GBP7: variants seen among roughly 807,000 people sequenced by gnomAD.
The protein encoded by GBP7 is guanylate binding protein 7.
Under a neutral mutation model 61.3 loss-of-function variants are expected in GBP7, and 43 were observed. That is an observed-to-expected ratio of 0.70 (90% CI 0.55 to 0.91). GBP7 has a LOEUF of 0.91. Among genes scored for constraint, GBP7 ranks in the 40% least tolerant of loss-of-function variants. The probability of loss-of-function intolerance (pLI) is 0.00; values close to 1 mark genes in which losing one functional copy is unlikely to be tolerated. For missense variants in GBP7, 717 were observed against 740.5 expected (o/e 0.97, Z 0.37); for synonymous variants, 267 against 271.0 (o/e 0.99, Z 0.14).
rs771339090 is a variant in GBP7, at chr1:89,149,390, G to A, written c.1054C>T (p.Leu352=). The change falls in exon 7 of 11, where the codon CTG becomes TTG. Residue 352 remains leucine, a synonymous_variant. Transcript: ENST00000294671. ...TCACAAACTGCATGCACGTCCAGCA[G>A]CTCCTGGAGTGTGTCTGTGGGGAAT... The part of the protein sequence containing the change: ...VRFPTDTLQE[L]LDVHAVCERE... 1 of 1,614,202 alleles carries A rather than the reference G, an allele frequency of 6.2e-7. No individual in the cohort carries two copies.
intron 3 of GBP7, among the ~76,000 whole-genome samples, chr1:89,154,052 A>T (rs1682261044): frequency 6.6e-6 from 1 of 152,250 alleles, no homozygotes; most frequent in South Asian, 2.1e-4. Flanking sequence ...TCAGGGCAAG[A>T]CATGAAGGTC....
intron 2 of GBP7, among the ~76,000 whole-genome samples, chr1:89,167,013 A>G (rs1647462695): frequency 6.6e-6 from 1 of 152,196 alleles, no homozygotes; most frequent in African/African-American, 2.4e-5. Flanking sequence ...CCTATGATTT[A>G]TTATAATGTG....
At chr1:89,141,918 C>G (rs1681963539) in intron 8 of GBP7, among the ~76,000 whole-genome samples, 1 of 152,178 alleles carries the variant, frequency 6.6e-6, no homozygotes, top group Non-Finnish European at 1.5e-5. Flanking sequence ...GTGCAGACAA[C>G]CAGATTTCTA....
intron 2 of GBP7, among the ~76,000 whole-genome samples, chr1:89,167,297 A>G (rs760200418): frequency 5.3e-5 from 8 of 152,290 alleles, no homozygotes; most frequent in Non-Finnish European, 8.8e-5. Context: ...TGTCTAGTTC[A>G]GGATCTTATT....
intron 6 of GBP7, 121 bp from the exon 7 acceptor site, chr1:89,149,693 TCTC>T (rs1231942700): frequency 5.3e-6 from 4 of 757,200 alleles, no homozygotes; most frequent in Non-Finnish European, 6.2e-6. Context: ...TTTCCCTCCT[TCTC>T]CTTCTTTCAA....
rs898891525 is a variant in GBP7 at position 89,132,207 on chromosome 1, T to G, written c.1859A>C (p.Lys620Thr). Reference sequence around the variant, plus strand: ...CCTATTACATAATGAGCTAAGAATTTTCATTCCTAAATCAACTAGCTTAGC... The same window carrying G: ...CCTATTACATAATGAGCTAAGAATTGTCATTCCTAAATCAACTAGCTTAGC... ...GAAKLVDLGMKILSSLCNRLR... is the reference protein window; with the variant it reads ...GAAKLVDLGMTILSSLCNRLR... The change falls in exon 11 of 11, where the codon AAA becomes ACA. Residue 620 changes from lysine (K) to threonine (T), a missense_variant. Physicochemically the swap from Lys to Thr is moderately conservative, Grantham distance 78. This residue lies in a region of GBP7 where 312 missense variants were observed against 310.1 expected (regional missense o/e 1.01). Coordinates refer to ENST00000294671, the MANE Select transcript of GBP7 (RefSeq NM_207398.3). The G allele has an allele frequency of 1.9e-6, 3 of 1,613,154 alleles. No individual in the cohort carries two copies. The highest frequency in any genetic ancestry group is 1.7e-6 in the Non-Finnish European group (2 of 1,179,268).
At chr1:89,155,021 C>T (rs1202750382) in intron 3 of GBP7, among the ~76,000 whole-genome samples, 1 of 152,164 alleles carries the variant, frequency 6.6e-6, no homozygotes, top group Non-Finnish European at 1.5e-5. Flanking sequence ...AAGGATCAGG[C>T]AGCAACATTT....
At chr1:89,132,450 A>T in intron 10 of GBP7, 47 bp from the exon 11 acceptor site, 1 of 1,429,702 alleles carries the variant, frequency 7.0e-7, no homozygotes, top group Non-Finnish European at 9.5e-7. Flanking sequence ...AATTTTTAAG[A>T]GACCGAGGTT....
At chr1:89,139,617 A>G (rs1415664893) in intron 9 of GBP7, among the ~76,000 whole-genome samples, 2 of 152,256 alleles carry the variant, frequency 1.3e-5, no homozygotes, top group Non-Finnish European at 2.9e-5. Flanking sequence ...CAACCCCATC[A>G]AAAAGTGGGT....
chr1:89,140,500 A>G (rs1681914083), intron 9 of GBP7, among the ~76,000 whole-genome samples: 1 of 151,532 alleles, frequency 6.6e-6, no homozygotes, highest in Non-Finnish European at 1.5e-5. Context: ...CACATGAGAT[A>G]TCATCTCATA....
intron 5 of GBP7, among the ~76,000 whole-genome samples, chr1:89,151,161 C>A (rs540905547): frequency 6.6e-6 from 1 of 152,242 alleles, no homozygotes; most frequent in South Asian, 2.1e-4. Context: ...GACTTTCCCA[C>A]CCTATATAAC....
At chr1:89,143,804 A>G (rs949683804) in intron 8 of GBP7, among the ~76,000 whole-genome samples, 5 of 152,202 alleles carry the variant, frequency 3.3e-5, no homozygotes, top group Non-Finnish European at 7.4e-5. Context: ...ATCTTCCCCC[A>G]TGATCCAAAC....
chr1:89,160,512 T>C (rs1647218586), intron 3 of GBP7, among the ~76,000 whole-genome samples: 1 of 152,214 alleles, frequency 6.6e-6, no homozygotes, highest in African/African-American at 2.4e-5. Context: ...GGCAAGTTTC[T>C]TGACCTCTCT....
At chr1:89,162,728 C>A (rs1427021571) in intron 3 of GBP7, among the ~76,000 whole-genome samples, 1 of 152,208 alleles carries the variant, frequency 6.6e-6, no homozygotes, top group African/African-American at 2.4e-5. Context: ...TTGACTTCCT[C>A]TTTTCCTGTT....
chr1:89,141,144 G>T (rs1417652359), intron 9 of GBP7, among the ~76,000 whole-genome samples: 1 of 150,106 alleles, frequency 6.7e-6, no homozygotes, highest in Non-Finnish European at 1.5e-5. Context: ...AAATTCCCAT[G>T]ACACAATTTA....
chr1:89,163,906 G>A (rs1647345448), intron 3 of GBP7, among the ~76,000 whole-genome samples: 1 of 151,164 alleles, frequency 6.6e-6, no homozygotes, highest in Non-Finnish European at 1.5e-5. Context: ...GTCTCACTCT[G>A]TCACTCAGGC....
chr1:89,159,292 T>C (rs1306847761), intron 3 of GBP7, among the ~76,000 whole-genome samples: 1 of 152,126 alleles, frequency 6.6e-6, no homozygotes, highest in Non-Finnish European at 1.5e-5. Flanking sequence ...ATTCAGGACA[T>C]AGGCATGGGC....
intron 2 of GBP7, among the ~76,000 whole-genome samples, chr1:89,165,139 C>T (rs1172996777): frequency 6.6e-6 from 1 of 152,202 alleles, no homozygotes; most frequent in African/African-American, 2.4e-5. Context: ...GTTAGTCCCT[C>T]CAATCCTCCT....
chr1:89,152,833 A>G (rs1682237169), intron 3 of GBP7, 56 bp from the exon 4 acceptor site: 2 of 1,401,718 alleles, frequency 1.4e-6, no homozygotes, highest in Non-Finnish European at 2.0e-6. Context: ...ATACATCTCA[A>G]GGTCAACTAC....
Sources: allele counts gnomAD v4.1 joint callset (sites outside exome capture counted in the v4.1 genomes callset), GRCh38; gene constraint gnomAD v4.1.1; regional missense constraint gnomAD v4.1.1; transcripts MANE v1.5; gene names NCBI Gene and HGNC (gene_info 2026-07-23, HGNC 2026-07-21).